Variants in HPSE2 observed in about 807,000 individuals in gnomAD.
HPSE2 encodes inactive heparanase-2.
HPSE2 carries 38 observed loss-of-function variants against 60.5 expected under a neutral mutation model. The observed-to-expected ratio is 0.63, with a 90% CI of 0.48 to 0.82. The LOEUF (loss-of-function observed/expected upper bound fraction) is 0.82, where lower values mean the gene tolerates loss of function less well. Ranked by LOEUF, HPSE2 falls within the 40% of genes least tolerant of loss-of-function variation. HPSE2 has a pLI of 0.00. For missense variants in HPSE2, 713 were observed against 740.4 expected (o/e 0.96, Z 0.43); for synonymous variants, 295 against 293.2 (o/e 1.01, Z -0.06).
intron 3 of HPSE2, among the ~76,000 whole-genome samples, chr10:99,067,798 C>T (rs1842662245): frequency 6.6e-6 from 1 of 152,196 alleles, no homozygotes; most frequent in African/African-American, 2.4e-5. Flanking sequence ...TAACATTTGG[C>T]TTCTTGTTAA....
At chr10:98,871,791 T>A (rs1952739317) in intron 3 of HPSE2, among the ~76,000 whole-genome samples, 1 of 152,064 alleles carries the variant, frequency 6.6e-6, no homozygotes, top group South Asian at 2.1e-4. Context: ...CTATCTTTGG[T>A]AGAGCTGACA....
intron 11 of HPSE2, among the ~76,000 whole-genome samples, chr10:98,461,132 A>G (rs569881205): frequency 6.6e-6 from 1 of 152,292 alleles, no homozygotes; most frequent in Non-Finnish European, 1.5e-5. Flanking sequence ...CTTCTGTGCT[A>G]TGAATGATAG....
At chr10:98,488,785 T>A (rs1207624842) in intron 10 of HPSE2, among the ~76,000 whole-genome samples, 1 of 152,236 alleles carries the variant, frequency 6.6e-6, no homozygotes, top group Non-Finnish European at 1.5e-5. Context: ...GCAGTCACTC[T>A]CTGTCAGGTA....
intron 9 of HPSE2, among the ~76,000 whole-genome samples, chr10:98,518,954 A>G (rs1022699728): frequency 2.0e-5 from 3 of 152,178 alleles, no homozygotes; most frequent in African/African-American, 7.2e-5. Flanking sequence ...ACAGAACTCA[A>G]ACAGCTGACC....
chr10:98,544,345 A>C (rs184598254), intron 9 of HPSE2, among the ~76,000 whole-genome samples: 7,021 of 152,304 alleles, frequency 0.046, 175 homozygotes, highest in South Asian at 0.088. Flanking sequence ...AAAGAGGGAA[A>C]TTTATAGCAC....
chr10:98,789,802 A>G (rs1029055665), intron 3 of HPSE2, among the ~76,000 whole-genome samples: 1 of 152,240 alleles, frequency 6.6e-6, no homozygotes, highest in Non-Finnish European at 1.5e-5. Context: ...TAATGGCTAG[A>G]GTTGCCAGAT....
intron 7 of HPSE2, among the ~76,000 whole-genome samples, chr10:98,624,690 T>C (rs527744084): frequency 1.6e-3 from 244 of 152,248 alleles, no homozygotes; most frequent in Admixed American, 4.1e-3. Flanking sequence ...CAAATTAAAG[T>C]TTTATTATTT....
chr10:99,180,897 A>C (rs971325679), intron 2 of HPSE2, among the ~76,000 whole-genome samples: 3 of 143,446 alleles, frequency 2.1e-5, no homozygotes, highest in African/African-American at 7.6e-5. Flanking sequence ...CTCAAAAAAA[A>C]AAAAAAAAAA....
chr10:98,586,366 G>A (rs954794530), intron 9 of HPSE2, among the ~76,000 whole-genome samples: 1 of 152,074 alleles, frequency 6.6e-6, no homozygotes, highest in African/African-American at 2.4e-5. Context: ...ATTCTTTTCA[G>A]CCAGGCATTC....
At chr10:98,521,893 A>T in intron 9 of HPSE2, among the ~76,000 whole-genome samples, 1 of 152,192 alleles carries the variant, frequency 6.6e-6, no homozygotes, top group East Asian at 1.9e-4. Flanking sequence ...ACAGAAAACC[A>T]AATACCACAT....
intron 8 of HPSE2, among the ~76,000 whole-genome samples, chr10:98,617,788 ATT>A (rs1945955465): frequency 1.3e-5 from 2 of 152,180 alleles, no homozygotes; most frequent in African/African-American, 4.8e-5. Flanking sequence ...ACCAGACACT[ATT>A]AGGTGCTTGA....
intron 9 of HPSE2, among the ~76,000 whole-genome samples, chr10:98,586,681 T>C (rs1944949215): frequency 6.6e-6 from 1 of 152,222 alleles, no homozygotes; most frequent in Admixed American, 6.5e-5. Flanking sequence ...GTTGAGGACA[T>C]ACTCCAACAA....
intron 7 of HPSE2, among the ~76,000 whole-genome samples, chr10:98,626,448 G>C (rs1565027763): frequency 2.6e-5 from 4 of 152,124 alleles, no homozygotes; most frequent in African/African-American, 9.7e-5. Context: ...AGAGTAGCCA[G>C]AGCCTATCTC....
intron 4 of HPSE2, among the ~76,000 whole-genome samples, chr10:98,724,952 A>G (rs1353212881): frequency 1.3e-5 from 2 of 152,164 alleles, no homozygotes; most frequent in Non-Finnish European, 2.9e-5. Context: ...GACCTCTTCA[A>G]GGAGAACTAC....
chr10:98,748,347 A>C (rs1949676041), intron 3 of HPSE2, among the ~76,000 whole-genome samples: 1 of 152,180 alleles, frequency 6.6e-6, no homozygotes, highest in African/African-American at 2.4e-5. Flanking sequence ...TATGTTCTAC[A>C]GTTTATTAGA....
Position 98,910,210 on chromosome 10 carries a change from C to A in HPSE2, c.611-166154G>T, listed in dbSNP as rs150444952. ...GAGACTGACAGTTGTGAGGGAGGGGCTAGTACTTCTGGTGCCCAGGGTGGA... is the reference window on the plus strand; with the variant it reads ...GAGACTGACAGTTGTGAGGGAGGGGATAGTACTTCTGGTGCCCAGGGTGGA... On this transcript the variant is annotated intron_variant, in intron 3 of 11. Coordinates refer to ENST00000370552, the MANE Select transcript of HPSE2 (RefSeq NM_021828.5). Among the ~76,000 whole-genome samples, 945 of 152,258 alleles carry A rather than the reference C, an allele frequency of 6.2e-3. 6 individuals carry two copies. Among genetic ancestry groups the A allele is most frequent in the African/African-American group, 0.022 (906 of 41,554 alleles).
chr10:98,621,860 T>C (rs1946083278), intron 7 of HPSE2, among the ~76,000 whole-genome samples: 1 of 152,216 alleles, frequency 6.6e-6, no homozygotes, highest in African/African-American at 2.4e-5. Flanking sequence ...CCTAGCTGGC[T>C]GCAGCCTGCA....
At chr10:98,567,270 G>A (rs375512548) in intron 9 of HPSE2, among the ~76,000 whole-genome samples, 23 of 152,336 alleles carry the variant, frequency 1.5e-4, no homozygotes, top group African/African-American at 4.6e-4. Flanking sequence ...CATCCCTTCT[G>A]AGCTGAACCA....
chr10:98,746,273 T>A (rs955588113), intron 3 of HPSE2, among the ~76,000 whole-genome samples: 1 of 152,140 alleles, frequency 6.6e-6, no homozygotes, highest in Non-Finnish European at 1.5e-5. Flanking sequence ...AGTAAAGTGA[T>A]CATGAAACCA....
Sources: allele counts gnomAD v4.1 joint callset (sites outside exome capture counted in the v4.1 genomes callset), GRCh38; gene constraint gnomAD v4.1.1; transcripts MANE v1.5; gene names NCBI Gene and HGNC (gene_info 2026-07-23, HGNC 2026-07-21).